Variants in ATP6V0A4 observed in about 807,000 individuals in gnomAD.
The protein encoded by ATP6V0A4 is V-type proton ATPase 116 kDa subunit a 4.
In ATP6V0A4, 86 loss-of-function variants were observed where a neutral mutation model predicts 107.3. The ratio of observed to expected loss-of-function variants is 0.80; its 90% CI spans 0.67 to 0.96. The LOEUF (loss-of-function observed/expected upper bound fraction) is 0.96, where lower values mean the gene tolerates loss of function less well. ATP6V0A4 is among the 40% of genes least tolerant of loss of function. ATP6V0A4 has a pLI of 0.00. For missense variants in ATP6V0A4, 908 were observed against 1,045.6 expected, an observed-to-expected ratio of 0.87 and a Z score of 1.81; for synonymous variants, 353 against 381.4, an observed-to-expected ratio of 0.93 and a Z score of 0.87.
At chr7:138,712,277 C>T (rs769848226) in intron 20 of ATP6V0A4, among the ~76,000 whole-genome samples, 26 of 152,044 alleles carry the variant, frequency 1.7e-4, no homozygotes, top group Non-Finnish European at 2.9e-4. Flanking sequence ...TCAAGTCATC[C>T]GTGGTCCTGA....
intron 17 of ATP6V0A4, among the ~76,000 whole-genome samples, chr7:138,729,552 C>T (rs561324532): frequency 8.5e-5 from 13 of 152,062 alleles, no homozygotes; most frequent in Non-Finnish European, 1.5e-4. Flanking sequence ...CTGGAGGAGT[C>T]CCTGTTATAT....
intron 7 of ATP6V0A4, among the ~76,000 whole-genome samples, chr7:138,760,706 G>A (rs1806768058): frequency 6.6e-6 from 1 of 151,936 alleles, no homozygotes; most frequent in Non-Finnish European, 1.5e-5. Context: ...ATTACTTTCT[G>A]ATCAAATATT....
At chr7:138,753,881 A>G (rs1250145938) in intron 10 of ATP6V0A4, among the ~76,000 whole-genome samples, 1 of 152,200 alleles carries the variant, frequency 6.6e-6, no homozygotes, top group Non-Finnish European at 1.5e-5. Context: ...ATGCCTCAGC[A>G]TCAGACAGTG....
At chr7:138,770,765 A>G (rs1584941202) in intron 3 of ATP6V0A4, among the ~76,000 whole-genome samples, 1 of 152,216 alleles carries the variant, frequency 6.6e-6, no homozygotes, top group African/African-American at 2.4e-5. Flanking sequence ...CTAGTCAGGA[A>G]AAATAGTTTT....
At chr7:138,728,190 AC>A (rs1384820962) in intron 18 of ATP6V0A4, among the ~76,000 whole-genome samples, 1 of 152,024 alleles carries the variant, frequency 6.6e-6, no homozygotes, top group Non-Finnish European at 1.5e-5. Flanking sequence ...GCACACATAC[AC>A]CCTGAACAAA....
intron 1 of ATP6V0A4, among the ~76,000 whole-genome samples, chr7:138,796,300 T>G (rs1808658001): frequency 6.6e-6 from 1 of 152,028 alleles, no homozygotes. Context: ...GTGCACTGAC[T>G]GAAAATCACC....
At chr7:138,762,827 C>T in intron 6 of ATP6V0A4, 73 bp downstream of exon 6, 1 of 1,524,708 alleles carries the variant, frequency 6.6e-7, no homozygotes, top group Non-Finnish European at 9.1e-7. Flanking sequence ...GATCCCAGGC[C>T]AGCCAGTTTC....
Position 138,762,762 on chromosome 7 carries a change from T to TC in ATP6V0A4, c.417+137dup, listed in dbSNP as rs1017286806. 2.1e-5 allele frequency: 22 copies of TC among 1,064,108 alleles called. No homozygotes were observed. The African/African-American group carries it at 3.2e-4, about 15-fold the overall frequency. The allele number at this position is 1,064,108 out of a possible 1,614,324, so 65.9% of individuals were successfully genotyped here. ...ACTACAATTATTCCACCCAAAATAC[T>TC]CCCCCGCCCTCACCAATGGCCTAGC... On this transcript the variant is annotated intron_variant, in intron 6 of 21. Coordinates refer to ENST00000310018, the MANE Select transcript of ATP6V0A4 (RefSeq NM_020632.3).
At chr7:138,710,005 C>T in intron 20 of ATP6V0A4, 1 of 172,860 alleles carries the variant, frequency 5.8e-6, no homozygotes, top group Non-Finnish European at 1.1e-5. Context: ...TGAGCCACCA[C>T]ATCCAGCCCA....
chr7:138,745,194 G>C lies in ATP6V0A4; in HGVS notation c.1407C>G (p.Cys469Trp). Reference protein sequence around the residue: ...SIYTGLIYNDCFSKSLNIFGS... With the variant: ...SIYTGLIYNDWFSKSLNIFGS... ...CAAAGATGTTCAAGGACTTGGAGAA[G>C]CAGTCATTGTAGATCAAACCCGTGT... Residue 469 changes from cysteine to tryptophan, a missense_variant, in exon 14 of 22, where the codon TGC becomes TGG. By Grantham distance (215) the Cys-to-Trp change is radical. Transcript: ENST00000310018. The C allele has an allele frequency of 6.2e-7, 1 of 1,614,234 alleles. No homozygotes were observed. The highest frequency in any genetic ancestry group is 8.5e-7 in the Non-Finnish European group (1 of 1,180,030).
At chr7:138,741,518 A>G (rs1383147094) in intron 14 of ATP6V0A4, among the ~76,000 whole-genome samples, 3 of 152,220 alleles carry the variant, frequency 2.0e-5, no homozygotes, top group Non-Finnish European at 4.4e-5. Context: ...AAGCAACTTC[A>G]TAGAACAGCA....
chr7:138,777,064 G>A (rs143946526), intron 2 of ATP6V0A4, among the ~76,000 whole-genome samples: 16,389 of 151,648 alleles, frequency 0.11, 1,256 homozygotes, highest in East Asian at 0.36. Flanking sequence ...CACGAGAATC[G>A]CTTGAACCCG....
chr7:138,751,847 G>A (rs1806242996), intron 11 of ATP6V0A4, among the ~76,000 whole-genome samples: 1 of 152,070 alleles, frequency 6.6e-6, no homozygotes. Flanking sequence ...CTACAGTCTA[G>A]CAGAGTGGAG....
At chr7:138,735,865 G>A (rs1805290979) in intron 15 of ATP6V0A4, among the ~76,000 whole-genome samples, 1 of 152,198 alleles carries the variant, frequency 6.6e-6, no homozygotes, top group Non-Finnish European at 1.5e-5. Context: ...CATTTTGGGA[G>A]GCTGGTAACA....
intron 18 of ATP6V0A4, among the ~76,000 whole-genome samples, chr7:138,724,512 CA>C (rs1584900082): frequency 1.3e-5 from 2 of 152,304 alleles, no homozygotes; most frequent in African/African-American, 2.4e-5. Context: ...GACTGAGGAA[CA>C]AGGCCTCTGT....
chr7:138,764,289 C>A (rs1029109952), intron 5 of ATP6V0A4, among the ~76,000 whole-genome samples: 1 of 151,676 alleles, frequency 6.6e-6, no homozygotes, highest in Non-Finnish European at 1.5e-5. Flanking sequence ...CTGTGGGTAC[C>A]GTTATCTTAC....
chr7:138,734,947 T>C (rs1459130205), intron 15 of ATP6V0A4, among the ~76,000 whole-genome samples: 3 of 152,130 alleles, frequency 2.0e-5, no homozygotes, highest in Non-Finnish European at 4.4e-5. Context: ...TGCTTCGCAT[T>C]ACAAAGCATT....
intron 2 of ATP6V0A4, among the ~76,000 whole-genome samples, chr7:138,771,665 G>C (rs1563013975): frequency 6.6e-6 from 1 of 152,120 alleles, no homozygotes; most frequent in Non-Finnish European, 1.5e-5. Context: ...TGTCACCCAG[G>C]CTGGAGTGCA....
chr7:138,756,244 C>T (rs2117299893), intron 9 of ATP6V0A4, among the ~76,000 whole-genome samples: 1 of 152,316 alleles, frequency 6.6e-6, no homozygotes, highest in Non-Finnish European at 1.5e-5. Context: ...AACATGTCCA[C>T]TTTTAGTTAC....
Sources: gnomAD v4.1 joint callset for allele counts (sites outside exome capture counted in the v4.1 genomes callset) on GRCh38, gnomAD v4.1.1 for gene constraint, MANE v1.5 for transcripts, NCBI Gene and HGNC (gene_info 2026-07-23, HGNC 2026-07-21) for gene names.